The following PYGM variants were observed in gnomAD, a reference collection of about 807,000 sequenced individuals.
PYGM encodes glycogen phosphorylase, muscle form.
Under a neutral mutation model 99.3 loss-of-function variants are expected in PYGM, and 81 were observed. The observed-to-expected ratio is 0.82, with a 90% confidence interval of 0.68 to 0.98. The LOEUF is 0.98. PYGM is among the 50% of genes least tolerant of loss of function. The pLI is 0.00. For missense variants in PYGM, 1,030 were observed against 1,158.1 expected, an observed-to-expected ratio of 0.89 and a Z score of 1.61; for synonymous variants, 436 against 451.5, an observed-to-expected ratio of 0.97 and a Z score of 0.44.
Position 64,753,692 on chromosome 11 carries a change from G to C in PYGM, c.1240-10C>G. The C allele has an allele frequency of 1.9e-6, 3 of 1,604,032 alleles. No individual in the cohort carries two copies. Among genetic ancestry groups the C allele is most frequent in the Non-Finnish European group, 2.5e-6 (3 of 1,177,738 alleles). ...ATGCGGCCGCCACCCGCTGTGCCCAGAGAGCCCAGAGCTAGAACCAGACCC... is the reference window on the plus strand; with the variant it reads ...ATGCGGCCGCCACCCGCTGTGCCCACAGAGCCCAGAGCTAGAACCAGACCC... On this transcript the variant is annotated splice_polypyrimidine_tract_variant and intron_variant, in intron 10 of 19. Coordinates refer to ENST00000164139, the MANE Select transcript of PYGM (RefSeq NM_005609.4).
intron 5 of PYGM, among the ~76,000 whole-genome samples, chr11:64,756,828 A>T (rs977839217): frequency 6.6e-6 from 1 of 151,614 alleles, no homozygotes; most frequent in Non-Finnish European, 1.5e-5. Flanking sequence ...AAACAGTCTC[A>T]CTCTGTCACA....
Position 64,759,842 on chromosome 11 carries a change from C to G in PYGM, c.57G>C (p.Leu19=). 6.2e-7 allele frequency: 1 copy of G among 1,614,238 alleles called. No homozygotes were observed. The highest frequency in any genetic ancestry group is 8.5e-7 in the Non-Finnish European group (1 of 1,180,038). The change falls in exon 1 of 20, where the codon CTG becomes CTC. Residue 19 remains leucine (L), a synonymous_variant. Transcript: ENST00000164139. ...GCTCAGTCACGTTCTCCACGCCGGC[C>G]AGGCCACGCACACTGATTTGCTTTC... ...EKRKQISVRG[L]AGVENVTELK...
chr11:64,753,837 C>A, intron 10 of PYGM, 42 bp downstream of exon 10: 1 of 1,538,376 alleles, frequency 6.5e-7, no homozygotes, highest in Non-Finnish European at 8.8e-7. Context: ...GACTGGGTGT[C>A]CCCCCTCACC....
Position 64,751,963 on chromosome 11 carries a change from G to A in PYGM, c.1729C>T (p.Gln577Ter). 5.0e-6 allele frequency: 8 copies of A among 1,614,244 alleles called. No individual in the cohort carries two copies. Among genetic ancestry groups the A allele is most frequent in the Non-Finnish European group, 6.8e-6 (8 of 1,180,046 alleles). The change falls in exon 14 of 20, where the codon CAG becomes TAG. Residue 577 changes from glutamine to a stop codon, truncating the protein, a stop_gained. Coordinates refer to ENST00000164139, the MANE Select transcript of PYGM (RefSeq NM_005609.4). LOFTEE classifies it high-confidence loss of function. Reference protein sequence around the residue: ...QVKRIHEYKRQLLNCLHVITL... With the variant: ...QVKRIHEYKR ...ATGACATGGAGGCAGTTGAGGAGCT[G>A]TCGTTTATATTCGTGAATCCGCTTC...
At chr11:64,759,336 C>T in intron 1 of PYGM, among the ~76,000 whole-genome samples, 1 of 152,286 alleles carries the variant, frequency 6.6e-6, no homozygotes, top group African/African-American at 2.4e-5. Context: ...GCACACCGCG[C>T]ATACATGCAG....
rs533430619 is a variant in PYGM at position 64,755,675 on chromosome 11, C to T, written c.661-117G>A. 5.1e-6 allele frequency: 4 copies of T among 787,392 alleles called. No homozygotes were observed. Among genetic ancestry groups the T allele is most frequent in the Non-Finnish European group, 8.5e-6 (4 of 471,768 alleles). 48.8% of individuals were successfully genotyped at this position (787,392 alleles called of 1,614,324 possible). A position where few individuals can be genotyped will look rare whatever the true frequency, so the allele number is the denominator to read the frequency against. ...TGCAGACCCAGGCTCTTGTCCTTGT[C>T]TAGCATCGATGAGCTGGGTAACCAT... On this transcript the variant is annotated intron_variant, in intron 5 of 19. Transcript: ENST00000164139. This position sits in a 1 kb window ranked among gnomAD's most constrained non-coding sequence, Gnocchi z 4.1.
rs191383094 is a variant in PYGM at position 64,746,811 on chromosome 11, G to C, written c.2380-3C>G. On this transcript the variant is annotated splice_polypyrimidine_tract_variant and splice_region_variant and intron_variant, in intron 19 of 19. Coordinates refer to ENST00000164139, the MANE Select transcript of PYGM (RefSeq NM_005609.4). ...ATCCGCGTCCACTCTCTTGGGTTCT[G>C]CAGGTCAAAGGGAAGCTCTGGTTCA... The C allele has an allele frequency of 6.2e-7, 1 of 1,614,174 alleles. No homozygotes were observed. The highest frequency in any genetic ancestry group is 2.2e-5 in the East Asian group (1 of 44,878).
In PYGM at chr11:64,747,276, T is replaced by TG. The variant is rs1565531453; in HGVS notation, c.2259dup (p.Lys754GlnfsTer17). ...ATGTCCTTGAACAGGTCGGGCTGTTTGGGGGAGAAGAAGCCACTGCTCAGC... is the reference window on the plus strand; with the variant it reads ...ATGTCCTTGAACAGGTCGGGCTGTTTGGGGGGAGAAGAAGCCACTGCTCAGC... On this transcript the variant is annotated frameshift_variant, in exon 18 of 20. Transcript: ENST00000164139. LOFTEE classifies it high-confidence loss of function. 6.2e-7 allele frequency: 1 copy of TG among 1,614,138 alleles called. No homozygotes were observed. Among genetic ancestry groups the TG allele is most frequent in the Non-Finnish European group, 8.5e-7 (1 of 1,179,982 alleles).
Position 64,754,571 on chromosome 11 carries a change from AC to A in PYGM, c.999+121del. ...GTGGATTGTGAATCCTGAACAACTG[AC>A]CCTCCCACACTCCCAGTCTCCACTC... is the stretch of plus-strand genomic sequence containing the variant. On this transcript the variant is annotated intron_variant, in intron 8 of 19. Transcript: ENST00000164139. This position sits in a 1 kb window ranked among gnomAD's most constrained non-coding sequence, Gnocchi z 5.5. 2 of 1,394,630 alleles carry A rather than the reference AC, an allele frequency of 1.4e-6. No individual in the cohort carries two copies. The highest frequency in any genetic ancestry group is 2.0e-6 in the Non-Finnish European group (2 of 1,017,764). The allele number at this position is 1,394,630 out of a possible 1,614,324, so 86.4% of individuals were successfully genotyped here.
Position 64,754,660 on chromosome 11 carries a change from C to T in PYGM, c.999+33G>A, listed in dbSNP as rs766974603. 17 of 1,610,588 alleles carry T rather than the reference C, an allele frequency of 1.1e-5. No individual in the cohort carries two copies. Among genetic ancestry groups the T allele is most frequent in the Middle Eastern group, 1.9e-4 (1 of 5,284 alleles). On this transcript the variant is annotated intron_variant, in intron 8 of 19. Coordinates refer to ENST00000164139, the MANE Select transcript of PYGM (RefSeq NM_005609.4). This position sits in a 1 kb window ranked among gnomAD's most constrained non-coding sequence, Gnocchi z 5.5. ...AGGGAGAGGCCTAGCACACACTGTC[C>T]GGTCACAGAGTCGCCCTCCACACGC... is the stretch of plus-strand genomic sequence containing the variant.
At chr11:64,750,102 A>AT (rs143636181) in intron 17 of PYGM, among the ~76,000 whole-genome samples, 101 of 152,144 alleles carry the variant, frequency 6.6e-4, no homozygotes, top group African/African-American at 2.3e-3. Context: ...TAGAGCAAGG[A>AT]TTTTTTTACT....
intron 17 of PYGM, among the ~76,000 whole-genome samples, chr11:64,750,144 T>C (rs957785625): frequency 6.6e-6 from 1 of 152,166 alleles, no homozygotes; most frequent in Non-Finnish European, 1.5e-5. Context: ...TCTCTTAGGG[T>C]TGATATAATA....
At chr11:64,760,148 C>G (rs2058425457), upstream of PYGM, 1 of 564,316 alleles carries the variant, frequency 1.8e-6, no homozygotes, top group African/African-American at 1.9e-5. Context: ...ACTGGCCTGG[C>G]TTGTTCACAG....
At position 64,754,370 on chromosome 11, in the gene PYGM, T is replaced by C. The variant is rs534588340; in HGVS notation, c.1000-25A>G. ...CCTGGGGTAGGGGGAGGGGTCAGTC[T>C]GGGCTCCAAACCACATTCCATGCTA... On this transcript the variant is annotated intron_variant, in intron 8 of 19. Transcript: ENST00000164139. The surrounding 1 kb of genome is among the most constrained non-coding windows in gnomAD (Gnocchi z 5.5). 1.5e-4 allele frequency: 235 copies of C among 1,557,542 alleles called. 1 individual carries two copies. In the South Asian group the frequency reaches 2.4e-3, roughly 16 times the overall value.
intron 18 of PYGM, 68 bp from the exon 19 acceptor site, chr11:64,747,055 G>C: frequency 6.3e-7 from 1 of 1,586,534 alleles, no homozygotes. Flanking sequence ...GAGGTCAAGG[G>C]CCAAGCCTGC....
chr11:64,751,561 A>G, intron 15 of PYGM, 36 bp downstream of exon 15: 1 of 1,614,098 alleles, frequency 6.2e-7, no homozygotes, highest in Non-Finnish European at 8.5e-7. Flanking sequence ...GATATATCAA[A>G]GGACGGGAGC....
intron 17 of PYGM, chr11:64,748,568 A>G (rs536519532): frequency 5.3e-5 from 8 of 152,234 alleles, no homozygotes; most frequent in Non-Finnish European, 1.2e-4. Context: ...AAATCATCAG[A>G]TGTGGACGTA....
rs535183923 is a variant in PYGM, at chr11:64,753,014, C to A, written c.1518+59G>T. On this transcript the variant is annotated intron_variant, in intron 12 of 19. Coordinates refer to ENST00000164139, the MANE Select transcript of PYGM (RefSeq NM_005609.4). ...GCAGTGAACCACCTACACGACCATA[C>A]CCAGCTGATCCCTGCAGGGACCCAT... is the stretch of plus-strand genomic sequence containing the variant. 3 of 1,454,866 alleles carry A rather than the reference C, an allele frequency of 2.1e-6. No individual in the cohort carries two copies. The East Asian group carries it at 6.8e-5, about 33-fold the overall frequency. The allele number at this position is 1,454,866 out of a possible 1,614,324, so 90.1% of individuals were successfully genotyped here. A position where few individuals can be genotyped will look rare whatever the true frequency, so the allele number is the denominator to read the frequency against.
At position 64,758,463 on chromosome 11, in the gene PYGM, C is replaced by T; in HGVS notation, c.398G>A (p.Gly133Asp). The T allele has an allele frequency of 6.2e-7, 1 of 1,614,014 alleles. No homozygotes were observed. The highest frequency in any genetic ancestry group is 1.1e-5 in the South Asian group (1 of 91,076). The change falls in exon 3 of 20, where the codon GGC becomes GAC. Residue 133 changes from glycine to aspartate, a missense_variant. Transcript: ENST00000164139. ...LEEIEEDAGL[G>D]NGGLGRLAAC... ...TGCCAGCCGGCCCAGGCCCCCGTTG[C>T]CCAGCCCCGCATCCTCCTCAATTTC...
Sources: gnomAD v4.1 joint callset for allele counts (sites outside exome capture counted in the v4.1 genomes callset) on GRCh38, gnomAD v4.1.1 for gene constraint, Gnocchi (gnomAD v3.1) non-coding constraint, MANE v1.5 for transcripts, NCBI Gene and HGNC (gene_info 2026-07-23, HGNC 2026-07-21) for gene names.